WDPCP: variants seen among roughly 807,000 people sequenced by gnomAD.
WDPCP encodes the protein WD repeat-containing and planar cell polarity effector protein fritz homolog.
Under a neutral mutation model 93.1 loss-of-function variants are expected in WDPCP, and 71 were observed. That is an observed-to-expected ratio of 0.76 (90% CI 0.63 to 0.93). The LOEUF (loss-of-function observed/expected upper bound fraction) is 0.93, where lower values mean the gene tolerates loss of function less well. WDPCP is among the 40% of genes least tolerant of loss of function. The pLI, the probability that WDPCP is intolerant of heterozygous loss-of-function variation, is 0.00. For synonymous variants in WDPCP, 315 were observed against 315.0 expected (o/e 1.00, Z 0.00); for missense variants, 844 against 887.4 (o/e 0.95, Z 0.62).
At chr2:63,515,736 A>G (rs1185174909) in intron 1 of WDPCP, among the ~76,000 whole-genome samples, 1 of 152,154 alleles carries the variant, frequency 6.6e-6, no homozygotes, top group Non-Finnish European at 1.5e-5. Flanking sequence ...TTCTATAATC[A>G]CCGCTGGGCA....
intron 3 of WDPCP, among the ~76,000 whole-genome samples, chr2:63,645,451 G>A (rs1027868547): frequency 3.9e-5 from 6 of 152,160 alleles, no homozygotes; most frequent in Admixed American, 3.9e-4. Flanking sequence ...AATGATCCAA[G>A]TGCTGAGAAA....
chr2:63,715,372 T>A (rs1669323140), intron 2 of WDPCP, among the ~76,000 whole-genome samples: 1 of 152,226 alleles, frequency 6.6e-6, no homozygotes, highest in Admixed American at 6.5e-5. Flanking sequence ...CAACTCAGAA[T>A]ACCCTTTCAG....
At chr2:63,245,559 G>GA (rs1680206419) in intron 14 of WDPCP, among the ~76,000 whole-genome samples, 1 of 152,016 alleles carries the variant, frequency 6.6e-6, no homozygotes, top group African/African-American at 2.4e-5. Context: ...ATGAAAAATA[G>GA]AAAAACAATG....
chr2:63,547,043 A>G (rs1230797240), intron 1 of WDPCP, among the ~76,000 whole-genome samples: 1 of 152,132 alleles, frequency 6.6e-6, no homozygotes, highest in Non-Finnish European at 1.5e-5. Flanking sequence ...TGAAAGAGTG[A>G]GCTAGTTTAA....
intron 14 of WDPCP, among the ~76,000 whole-genome samples, chr2:63,203,857 A>G (rs1676110828): frequency 6.6e-6 from 1 of 152,158 alleles, no homozygotes; most frequent in Non-Finnish European, 1.5e-5. Context: ...ATCCAGTTCC[A>G]TCCGTGTTGT....
intron 12 of WDPCP, among the ~76,000 whole-genome samples, chr2:63,333,688 C>G (rs1042649143): frequency 2.0e-5 from 3 of 152,142 alleles, no homozygotes; most frequent in Admixed American, 6.5e-5. Flanking sequence ...CTTTCTGAAC[C>G]AAACCAATGT....
intron 12 of WDPCP, among the ~76,000 whole-genome samples, chr2:63,325,211 C>T (rs1408644632): frequency 6.6e-6 from 1 of 152,144 alleles, no homozygotes; most frequent in African/African-American, 2.4e-5. Flanking sequence ...TCAGAGAGAA[C>T]AGAAAATGGA....
chr2:63,629,745 A>T (rs1204493287), intron 3 of WDPCP, among the ~76,000 whole-genome samples: 1 of 152,162 alleles, frequency 6.6e-6, no homozygotes, highest in Non-Finnish European at 1.5e-5. Context: ...TGAGGGAGGG[A>T]CCTAAATGTC....
chr2:63,802,263 T>G (rs1180050083), intron 2 of WDPCP, among the ~76,000 whole-genome samples: 1 of 104,652 alleles, frequency 9.6e-6, no homozygotes, highest in Non-Finnish European at 1.8e-5. Context: ...CTGGGCAACA[T>G]TATGATACCC....
chr2:63,538,954 A>G (rs543349877), intron 1 of WDPCP, among the ~76,000 whole-genome samples: 2 of 152,312 alleles, frequency 1.3e-5, no homozygotes, highest in South Asian at 2.1e-4. Flanking sequence ...TTTCAAAACA[A>G]TATAACACCA....
At chr2:63,299,110 C>T (rs1685125415) in intron 13 of WDPCP, among the ~76,000 whole-genome samples, 1 of 152,214 alleles carries the variant, frequency 6.6e-6, no homozygotes, top group Non-Finnish European at 1.5e-5. Context: ...CGTCATTCCA[C>T]ACGTCAGCAC....
chr2:63,313,864 A>ATGTGTGTGTG (rs1686381583), intron 12 of WDPCP, among the ~76,000 whole-genome samples: 1 of 6,140 alleles, frequency 1.6e-4, no homozygotes, highest in African/African-American at 2.0e-3. Flanking sequence ...ATATATATAT[A>ATGTGTGTGTG]TATATATATA....
chr2:63,646,120 T>C (rs1710046419), intron 3 of WDPCP, among the ~76,000 whole-genome samples: 1 of 152,202 alleles, frequency 6.6e-6, no homozygotes, highest in Non-Finnish European at 1.5e-5. Flanking sequence ...GGTAATTTTC[T>C]CTAATGATAT....
intron 2 of WDPCP, among the ~76,000 whole-genome samples, chr2:63,490,577 A>G (rs1700819258): frequency 6.6e-6 from 1 of 152,218 alleles, no homozygotes; most frequent in Non-Finnish European, 1.5e-5. Context: ...TAAAAGGTTA[A>G]ATAGAAGAAT....
At chr2:63,413,203 C>G (rs1164230883) in intron 9 of WDPCP, among the ~76,000 whole-genome samples, 2 of 152,032 alleles carry the variant, frequency 1.3e-5, no homozygotes, top group African/African-American at 4.8e-5. Flanking sequence ...AATAAAGAAT[C>G]CAGAAATAAA....
chr2:63,754,245 G>T (rs2103893176), intron 2 of WDPCP, among the ~76,000 whole-genome samples: 1 of 152,300 alleles, frequency 6.6e-6, no homozygotes, highest in South Asian at 2.1e-4. Context: ...AAGAGGGCTA[G>T]CTGTAAGCTA....
At chr2:63,744,988 A>C (rs1669774124) in intron 2 of WDPCP, among the ~76,000 whole-genome samples, 1 of 152,038 alleles carries the variant, frequency 6.6e-6, no homozygotes, top group South Asian at 2.1e-4. Flanking sequence ...TATTACTTTA[A>C]ATTTCTCTGA....
intron 13 of WDPCP, among the ~76,000 whole-genome samples, chr2:63,305,060 G>T (rs967696563): frequency 2.0e-5 from 3 of 152,124 alleles, no homozygotes; most frequent in African/African-American, 7.2e-5. Flanking sequence ...CTCCTCTCTG[G>T]GCAGGGCATC....
In WDPCP at chr2:63,722,709, G is replaced by T. The variant is rs1233987273; in HGVS notation, n.309-71871C>A. On this transcript the variant is annotated intron_variant and non_coding_transcript_variant, in intron 2 of 4. Coordinates refer to the WDPCP transcript ENST00000467687. ...CAGCCGCCCCGTCCGGGAGGTGAGG[G>T]GCGCCTCTGCCCGGCCGCCCCTACT... is the stretch of plus-strand genomic sequence containing the variant. 2.9e-5 allele frequency among the ~76,000 whole-genome samples: 4 copies of T among 138,268 alleles called. No individual in the cohort carries two copies. The South Asian group carries it at 9.6e-4, about 33-fold the overall frequency. 90.7% of individuals were successfully genotyped at this position (138,268 alleles called of 152,430 possible). A position where few individuals can be genotyped will look rare whatever the true frequency, so the allele number is the denominator to read the frequency against.
Sources: gnomAD v4.1 joint callset for allele counts (sites outside exome capture counted in the v4.1 genomes callset) on GRCh38, gnomAD v4.1.1 for gene constraint, MANE v1.5 for transcripts, NCBI Gene and HGNC (gene_info 2026-07-23, HGNC 2026-07-21) for gene names.